The following FAM219A variants were observed in gnomAD, a reference collection of about 807,000 sequenced individuals.
FAM219A encodes the protein protein FAM219A.
In FAM219A, 7 loss-of-function variants were observed where a neutral mutation model predicts 23.4. The observed-to-expected ratio is 0.30, with a 90% CI of 0.17 to 0.56. The LOEUF (loss-of-function observed/expected upper bound fraction) is 0.56, where lower values mean the gene tolerates loss of function less well. Among genes scored for constraint, FAM219A ranks in the 20% least tolerant of loss-of-function variants. FAM219A has a pLI of 0.92. For synonymous variants in FAM219A, 93 were observed against 99.0 expected, an observed-to-expected ratio of 0.94 and a Z score of 0.36; for missense variants, 166 against 246.9, an observed-to-expected ratio of 0.67 and a Z score of 2.20.
rs761028377 is a variant in FAM219A, at chr9:34,400,930, G to A, written c.*34C>T. ...CTGCCCGTCCTACCCGGCCCTTGGC[G>A]GCCCCGCCCCGGCGACCGCAGTGGC... On this transcript the variant is annotated 3_prime_UTR_variant, in exon 6 of 6. Transcript: ENST00000651358. 5.3e-6 allele frequency: 8 copies of A among 1,498,586 alleles called. No individual in the cohort carries two copies. The highest frequency in any genetic ancestry group is 2.0e-4 in the Middle Eastern group (1 of 5,094). The allele number at this position is 1,498,586 out of a possible 1,614,324, so 92.8% of individuals were successfully genotyped here.
intron 1 of FAM219A, among the ~76,000 whole-genome samples, chr9:34,441,056 G>A (rs1190377165): frequency 6.6e-6 from 1 of 151,998 alleles, no homozygotes; most frequent in Non-Finnish European, 1.5e-5. Context: ...TTTAAACTTG[G>A]CTGGAAAGAG....
At chr9:34,438,285 C>T (rs1823004861) in intron 1 of FAM219A, among the ~76,000 whole-genome samples, 2 of 152,202 alleles carry the variant, frequency 1.3e-5, no homozygotes, top group South Asian at 4.1e-4. Context: ...ACCCCCTGCT[C>T]CACGGCGCCC....
chr9:34,446,097 T>C (rs1005835238), intron 1 of FAM219A, among the ~76,000 whole-genome samples: 2 of 147,360 alleles, frequency 1.4e-5, no homozygotes, highest in African/African-American at 5.1e-5. Flanking sequence ...TGCTTGAACC[T>C]GGGAGGCAGA....
At chr9:34,440,517 T>C (rs1405078698) in intron 1 of FAM219A, among the ~76,000 whole-genome samples, 1 of 152,022 alleles carries the variant, frequency 6.6e-6, no homozygotes, top group Non-Finnish European at 1.5e-5. Flanking sequence ...AAGGTAGTGA[T>C]GTGTTCCAGC....
chr9:34,403,006 G>T (rs538916244), intron 2 of FAM219A, among the ~76,000 whole-genome samples, 199 bp from the exon 3 acceptor site: 1 of 152,230 alleles, frequency 6.6e-6, no homozygotes, highest in East Asian at 1.9e-4. Flanking sequence ...ACAGTGGGGG[G>T]CAAAAAGAGG....
chr9:34,434,133 C>T (rs1037196059), intron 1 of FAM219A, among the ~76,000 whole-genome samples: 20 of 135,744 alleles, frequency 1.5e-4, no homozygotes, highest in Admixed American at 3.4e-4. Context: ...ACCCGGGAGG[C>T]GGAGCTTGCA....
intron 1 of FAM219A, among the ~76,000 whole-genome samples, chr9:34,430,822 C>T (rs1822667594): frequency 2.1e-5 from 3 of 146,256 alleles, no homozygotes; most frequent in African/African-American, 7.7e-5. Context: ...AGTCTGGGTG[C>T]CCGAGTGAGA....
chr9:34,447,876 AT>A (rs111650721), intron 1 of FAM219A, among the ~76,000 whole-genome samples: 12,309 of 145,162 alleles, frequency 0.085, 614 homozygotes, highest in East Asian at 0.13. Context: ...AGTTTTCTTC[AT>A]TTTTTTTTTT....
At chr9:34,438,734 T>C (rs949321027) in intron 1 of FAM219A, among the ~76,000 whole-genome samples, 4 of 152,160 alleles carry the variant, frequency 2.6e-5, no homozygotes, top group Non-Finnish European at 5.9e-5. Context: ...AGCTCAGGGA[T>C]TGTAAACGCA....
rs1426910578 is a variant in FAM219A, at chr9:34,458,312, G to T, written c.-49C>A. The T allele has an allele frequency of 1.0e-5, 13 of 1,251,372 alleles. No homozygotes were observed. Among genetic ancestry groups the T allele is most frequent in the Admixed American group, 8.5e-5 (2 of 23,402 alleles). The allele number at this position is 1,251,372 out of a possible 1,614,324, so 77.5% of individuals were successfully genotyped here. A position where few individuals can be genotyped will look rare whatever the true frequency, so the allele number is the denominator to read the frequency against. ...GGGGCCGGGCGCGGCCGCGGACGCC[G>T]ACAGGACCGCGCGGGGCGGCGGCCC... On this transcript the variant is annotated 5_prime_UTR_variant, in exon 1 of 6. Coordinates refer to ENST00000651358, the MANE Select transcript of FAM219A (RefSeq NM_001184940.2). The surrounding 1 kb of genome is among the most constrained non-coding windows in gnomAD (Gnocchi z 6.6).
At chr9:34,433,301 C>T (rs985423323) in intron 1 of FAM219A, among the ~76,000 whole-genome samples, 1 of 152,156 alleles carries the variant, frequency 6.6e-6, no homozygotes, top group Non-Finnish European at 1.5e-5. Context: ...TTTTGATCTA[C>T]TTCTTCCTCC....
At chr9:34,439,672 A>G (rs915434986) in intron 1 of FAM219A, among the ~76,000 whole-genome samples, 1 of 152,140 alleles carries the variant, frequency 6.6e-6, no homozygotes, top group Non-Finnish European at 1.5e-5. Flanking sequence ...GGCAGCAAGA[A>G]CATTATGCGC....
intron 1 of FAM219A, among the ~76,000 whole-genome samples, chr9:34,456,524 C>T (rs1823734832): frequency 6.6e-6 from 1 of 152,218 alleles, no homozygotes; most frequent in Non-Finnish European, 1.5e-5. Flanking sequence ...CACACTTGAA[C>T]CTCCTCTTCC....
At position 34,454,219 on chromosome 9, in the gene FAM219A, T is replaced by C. The variant is rs146972639; in HGVS notation, c.60+3985A>G. On this transcript the variant is annotated intron_variant, in intron 1 of 5. Transcript: ENST00000651358. ...TTGGGAGGCCAAAGCGGGCAGATCATGAGGTCGAGAGATTGATACCATCCT... is the reference window on the plus strand; with the variant it reads ...TTGGGAGGCCAAAGCGGGCAGATCACGAGGTCGAGAGATTGATACCATCCT... Among the ~76,000 whole-genome samples, 738 of 152,266 alleles carry C rather than the reference T, an allele frequency of 4.8e-3. 9 individuals carry two copies. The highest frequency in any genetic ancestry group is 0.017 in the African/African-American group (697 of 41,550).
chr9:34,401,068 C>T lies in FAM219A; in HGVS notation c.454G>A (p.Glu152Lys). ...TCTAGGTCCTCGTCGTCGGGGATCT[C>T]ATCTAACCGGTAGCCGTCCTTCAGC... is the stretch of plus-strand genomic sequence containing the variant. The part of the protein sequence containing the change: ...QLLKDGYRLD[E>K]IPDDEDLDLI... Residue 152 changes from glutamate to lysine, a missense_variant, in exon 6 of 6, where the codon GAG (glutamate) becomes AAG (lysine). Glu to Lys is a moderately conservative substitution (Grantham distance 56). This residue lies in a region of FAM219A where 72 missense variants were observed against 131.0 expected (regional missense o/e 0.55). Transcript: ENST00000651358. The T allele has an allele frequency of 6.2e-7, 1 of 1,613,040 alleles. No individual in the cohort carries two copies. Among genetic ancestry groups the T allele is most frequent in the Non-Finnish European group, 8.5e-7 (1 of 1,179,452 alleles).
intron 2 of FAM219A, among the ~76,000 whole-genome samples, chr9:34,403,603 C>G (rs183385833): frequency 6.6e-6 from 1 of 152,374 alleles, no homozygotes; most frequent in East Asian, 1.9e-4. Flanking sequence ...CTTCATGGAG[C>G]TGGCCATCAG....
intron 3 of FAM219A, 104 bp downstream of exon 3, chr9:34,402,601 A>T: frequency 6.5e-7 from 1 of 1,541,088 alleles, no homozygotes; most frequent in South Asian, 1.2e-5. Context: ...GTCTCCTCTC[A>T]GAGAGGAGCT....
At chr9:34,447,896 G>A (rs1257720564) in intron 1 of FAM219A, among the ~76,000 whole-genome samples, 1 of 151,458 alleles carries the variant, frequency 6.6e-6, no homozygotes, top group Non-Finnish European at 1.5e-5. Context: ...TTTTAAGACA[G>A]GGTCTTGCTT....
chr9:34,433,376 TA>T (rs895374064), intron 1 of FAM219A, among the ~76,000 whole-genome samples: 78 of 152,210 alleles, frequency 5.1e-4, no homozygotes, highest in African/African-American at 1.8e-3. Context: ...TGTTTATCTT[TA>T]AAAAAAATTA....
Sources: allele counts gnomAD v4.1 joint callset (sites outside exome capture counted in the v4.1 genomes callset), GRCh38; gene constraint gnomAD v4.1.1; regional missense constraint gnomAD v4.1.1; non-coding constraint Gnocchi (gnomAD v3.1); transcripts MANE v1.5; gene names NCBI Gene and HGNC (gene_info 2026-07-23, HGNC 2026-07-21).